The following GRID2 variants were observed in gnomAD, a reference collection of about 807,000 sequenced individuals.
GRID2 encodes glutamate receptor ionotropic, delta-2.
In GRID2, 33 loss-of-function variants were observed where a neutral mutation model predicts 114.8. That is an observed-to-expected ratio of 0.29 (90% CI 0.22 to 0.38). GRID2 has a LOEUF of 0.38. GRID2 is among the 10% of genes least tolerant of loss of function. The pLI is 1.00. For missense variants in GRID2, 1,184 were observed against 1,257.7 expected (o/e 0.94, Z 0.89); for synonymous variants, 505 against 449.9 (o/e 1.12, Z -1.55).
At chr4:92,546,105 C>T (rs1407620919) in intron 1 of GRID2, among the ~76,000 whole-genome samples, 2 of 152,124 alleles carry the variant, frequency 1.3e-5, no homozygotes, top group Admixed American at 1.3e-4. Context: ...GGACAATCCT[C>T]TTTATTTATC....
At chr4:93,536,734 C>A (rs1732125232) in intron 13 of GRID2, among the ~76,000 whole-genome samples, 2 of 148,712 alleles carry the variant, frequency 1.3e-5, no homozygotes, top group Admixed American at 1.3e-4. Context: ...GTTTTTAATG[C>A]TGGTCATGGC....
At chr4:93,171,538 G>T (rs894926905) in intron 4 of GRID2, among the ~76,000 whole-genome samples, 14 of 152,144 alleles carry the variant, frequency 9.2e-5, no homozygotes, top group African/African-American at 3.1e-4. Context: ...TCACCAGAAT[G>T]TAAGCTTCAT....
At chr4:93,677,945 A>G (rs2110081740) in intron 14 of GRID2, among the ~76,000 whole-genome samples, 1 of 98,462 alleles carries the variant, frequency 1.0e-5, no homozygotes. Context: ...GACTTTGACG[A>G]GTTGAGAGAA....
At chr4:92,438,608 G>A (rs1732854528) in intron 1 of GRID2, among the ~76,000 whole-genome samples, 1 of 149,346 alleles carries the variant, frequency 6.7e-6, no homozygotes, top group Non-Finnish European at 1.5e-5. Context: ...GTGTGTGTGT[G>A]TTTCTATACT....
At chr4:92,802,791 C>T (rs1740238109) in intron 2 of GRID2, among the ~76,000 whole-genome samples, 2 of 151,896 alleles carry the variant, frequency 1.3e-5, no homozygotes, top group South Asian at 4.1e-4. Flanking sequence ...TAGGAAGATG[C>T]CTCCACGATA....
chr4:93,131,540 T>A (rs565613253), intron 4 of GRID2, among the ~76,000 whole-genome samples: 1 of 151,972 alleles, frequency 6.6e-6, no homozygotes, highest in East Asian at 1.9e-4. Flanking sequence ...TATATTTATT[T>A]ATTTGTAATA....
intron 2 of GRID2, among the ~76,000 whole-genome samples, chr4:92,837,562 G>A (rs1029443295): frequency 6.6e-6 from 1 of 150,776 alleles, no homozygotes; most frequent in African/African-American, 2.4e-5. Flanking sequence ...TTTATGTTCT[G>A]AATTTCTGTC....
At chr4:92,439,148 A>G (rs1476750447) in intron 1 of GRID2, among the ~76,000 whole-genome samples, 1 of 147,858 alleles carries the variant, frequency 6.8e-6, no homozygotes, top group African/African-American at 2.5e-5. Flanking sequence ...GGCGGGCAGG[A>G]GTGGGGGTTG....
At chr4:93,391,314 A>G (rs1397370861) in intron 8 of GRID2, among the ~76,000 whole-genome samples, 2 of 152,308 alleles carry the variant, frequency 1.3e-5, no homozygotes, top group Middle Eastern at 3.4e-3. Context: ...TACACTTTCT[A>G]TCCCCTTACA....
At chr4:93,064,398 T>G (rs1728083249) in intron 2 of GRID2, among the ~76,000 whole-genome samples, 1 of 151,860 alleles carries the variant, frequency 6.6e-6, no homozygotes, top group African/African-American at 2.4e-5. Flanking sequence ...TACAATAGAA[T>G]TATAATTTTA....
chr4:92,792,078 C>T (rs1274275166), intron 2 of GRID2, among the ~76,000 whole-genome samples: 2 of 151,870 alleles, frequency 1.3e-5, no homozygotes, highest in Non-Finnish European at 2.9e-5. Flanking sequence ...GTCCAAGACA[C>T]TTGGTGACCA....
chr4:92,565,009 G>A (rs1727271012), intron 1 of GRID2, among the ~76,000 whole-genome samples: 1 of 151,886 alleles, frequency 6.6e-6, no homozygotes, highest in Non-Finnish European at 1.5e-5. Context: ...ATTAGCTTCT[G>A]TACCTGGATC....
chr4:93,569,927 C>T (rs1735780842), intron 13 of GRID2, among the ~76,000 whole-genome samples: 1 of 152,074 alleles, frequency 6.6e-6, no homozygotes, highest in African/African-American at 2.4e-5. Flanking sequence ...TTATTTTCTT[C>T]ACAATATTTG....
intron 2 of GRID2, among the ~76,000 whole-genome samples, chr4:93,083,316 A>G (rs1456593867): frequency 6.6e-6 from 1 of 152,128 alleles, no homozygotes; most frequent in African/African-American, 2.4e-5. Flanking sequence ...CACTTATATT[A>G]TTTTCTATGA....
At chr4:92,870,067 G>T (rs1434639921) in intron 2 of GRID2, among the ~76,000 whole-genome samples, 3 of 151,902 alleles carry the variant, frequency 2.0e-5, no homozygotes, top group African/African-American at 7.2e-5. Flanking sequence ...CAGGCTTGGT[G>T]GTTCATGCCT....
At chr4:93,279,070 C>A (rs892869628) in intron 8 of GRID2, among the ~76,000 whole-genome samples, 6 of 151,736 alleles carry the variant, frequency 4.0e-5, no homozygotes, top group African/African-American at 1.5e-4. Flanking sequence ...ATAAAAACTG[C>A]ATTTATAAAT....
chr4:92,645,332 T>G (rs1164526136), intron 2 of GRID2, among the ~76,000 whole-genome samples: 1 of 151,758 alleles, frequency 6.6e-6, no homozygotes, highest in Non-Finnish European at 1.5e-5. Flanking sequence ...ACTGCAATGG[T>G]GTTTAACATG....
At chr4:92,560,484 C>A (rs17019576) in intron 1 of GRID2, among the ~76,000 whole-genome samples, 1 of 151,982 alleles carries the variant, frequency 6.6e-6, no homozygotes, top group African/African-American at 2.4e-5. Context: ...AAAGGGGAGA[C>A]TGAATATTAC....
chr4:93,481,061 T>C (rs2149446731), intron 11 of GRID2, among the ~76,000 whole-genome samples: 1 of 152,194 alleles, frequency 6.6e-6, no homozygotes, highest in East Asian at 1.9e-4. Context: ...TTACCACCCA[T>C]GACAATATAT....
Sources: gnomAD v4.1 joint callset for allele counts (sites outside exome capture counted in the v4.1 genomes callset) on GRCh38, gnomAD v4.1.1 for gene constraint, MANE v1.5 for transcripts, NCBI Gene and HGNC (gene_info 2026-07-23, HGNC 2026-07-21) for gene names.